HS3ST5: variants seen among roughly 807,000 people sequenced by gnomAD.
HS3ST5 encodes heparan sulfate-glucosamine 3-sulfotransferase 5, also known as heparan sulfate glucosamine 3-O-sulfotransferase 5.
In HS3ST5, 10 loss-of-function variants were observed where a neutral mutation model predicts 25.4. The observed-to-expected ratio is 0.39, with a 90% CI of 0.24 to 0.67. The LOEUF (loss-of-function observed/expected upper bound fraction) is 0.67, where lower values mean the gene tolerates loss of function less well. Among genes scored for constraint, HS3ST5 ranks in the 30% least tolerant of loss-of-function variants. The pLI is 0.44. For missense variants in HS3ST5, 324 were observed against 420.7 expected, an observed-to-expected ratio of 0.77 and a Z score of 2.01; for synonymous variants, 170 against 162.4, an observed-to-expected ratio of 1.05 and a Z score of -0.36.
intron 2 of HS3ST5, among the ~76,000 whole-genome samples, chr6:114,219,150 G>T (rs548402775): frequency 6.6e-6 from 1 of 152,300 alleles, no homozygotes; most frequent in Non-Finnish European, 1.5e-5. Flanking sequence ...AGGCACTATT[G>T]CTACCTCATA....
In HS3ST5 at chr6:114,231,245, T is replaced by C. The variant is rs1383526909; in HGVS notation, c.-338-2467A>G. ...TCTTCCAGTGCTCTCATTTTGTAAA[T>C]AGCACTATCAGTCATCAGCTGAATA... On this transcript the variant is annotated intron_variant, in intron 1 of 4. Transcript: ENST00000312719. 3.3e-5 allele frequency: 5 copies of C among 152,164 alleles called. No homozygotes were observed. The East Asian group carries it at 5.8e-4, about 18-fold the overall frequency. The allele number at this position is 152,164 out of a possible 1,614,324, so 9.4% of individuals were successfully genotyped here. A position where few individuals can be genotyped will look rare whatever the true frequency, so the allele number is the denominator to read the frequency against.
intron 1 of HS3ST5, among the ~76,000 whole-genome samples, chr6:114,283,345 T>C (rs1318411207): frequency 6.6e-6 from 1 of 152,006 alleles, no homozygotes; most frequent in Admixed American, 6.6e-5. Flanking sequence ...TCATAACTTC[T>C]AAGCTTGGTT....
At chr6:114,240,494 G>GA (rs960277227) in intron 1 of HS3ST5, among the ~76,000 whole-genome samples, 23 of 152,086 alleles carry the variant, frequency 1.5e-4, no homozygotes, top group African/African-American at 5.3e-4. Context: ...TCCACTGGTG[G>GA]AAAAAAAATA....
intron 1 of HS3ST5, among the ~76,000 whole-genome samples, chr6:114,255,340 G>A (rs1772856978): frequency 6.6e-6 from 1 of 152,270 alleles, no homozygotes; most frequent in South Asian, 2.1e-4. Context: ...GGCTTTGCAG[G>A]GTGCAGCCTC....
chr6:114,208,732 C>G (rs1031112596), intron 2 of HS3ST5, among the ~76,000 whole-genome samples: 3 of 152,118 alleles, frequency 2.0e-5, no homozygotes, highest in African/African-American at 7.2e-5. Flanking sequence ...CTCAGTGACC[C>G]TGGATGAGTC....
At chr6:114,316,825 A>G (rs897910637) in intron 1 of HS3ST5, among the ~76,000 whole-genome samples, 1 of 152,232 alleles carries the variant, frequency 6.6e-6, no homozygotes, top group Non-Finnish European at 1.5e-5. Context: ...AGATAAGATT[A>G]AAATGTTTTA....
chr6:114,188,655 T>G (rs1185253470), intron 2 of HS3ST5, among the ~76,000 whole-genome samples: 1 of 152,184 alleles, frequency 6.6e-6, no homozygotes, highest in African/African-American at 2.4e-5. Flanking sequence ...CAAGTAGGTC[T>G]TGAAATTTTG....
chr6:114,304,098 AGTATTT>A, intron 1 of HS3ST5, among the ~76,000 whole-genome samples: 1 of 152,102 alleles, frequency 6.6e-6, no homozygotes, highest in African/African-American at 2.4e-5. Context: ...AGATGTCAGA[AGTATTT>A]CTGACTGACC....
chr6:114,278,443 G>A (rs1464403365), intron 1 of HS3ST5, among the ~76,000 whole-genome samples: 1 of 151,890 alleles, frequency 6.6e-6, no homozygotes, highest in Non-Finnish European at 1.5e-5. Context: ...AATAAATAGT[G>A]AAGTCCAACA....
chr6:114,218,940 A>G (rs1367903995), intron 2 of HS3ST5, among the ~76,000 whole-genome samples: 1 of 152,224 alleles, frequency 6.6e-6, no homozygotes, highest in African/African-American at 2.4e-5. Context: ...CTCTTGTGTA[A>G]TGTGACTTCT....
At position 114,154,070 on chromosome 6, in the gene HS3ST5, G is replaced by A. The variant is rs544816804; in HGVS notation, c.-33+14281C>T. Among the ~76,000 whole-genome samples, 125 of 152,258 alleles carry A rather than the reference G, an allele frequency of 8.2e-4. 1 individual carries two copies. Among genetic ancestry groups the A allele is most frequent in the African/African-American group, 2.9e-3 (121 of 41,552 alleles). On this transcript the variant is annotated intron_variant, in intron 3 of 4. Transcript: ENST00000312719. ...TCTCAGACAAGTGGGCAGAAGCAAA[G>A]GCAAATCCAGATGCTGAAGGTTTGG...
rs1006302701 is a variant in HS3ST5, at chr6:114,070,437, T to C, written c.-32-7560A>G. Among the ~76,000 whole-genome samples the C allele has an allele frequency of 2.0e-5, 3 of 152,116 alleles. No homozygotes were observed. The East Asian group carries it at 5.8e-4, about 29-fold the overall frequency. On this transcript the variant is annotated intron_variant, in intron 3 of 4. Coordinates refer to ENST00000312719, the MANE Select transcript of HS3ST5 (RefSeq NM_153612.4). ...CATGTTTCCATAATTTACCAAGGGT[T>C]TTTTTCATATTCACCAAGCCACTTA...
At chr6:114,122,938 T>C (rs2114881815) in intron 3 of HS3ST5, among the ~76,000 whole-genome samples, 1 of 152,232 alleles carries the variant, frequency 6.6e-6, no homozygotes, top group East Asian at 1.9e-4. Context: ...TATATACAGA[T>C]AGTTTTTGTT....
intron 3 of HS3ST5, among the ~76,000 whole-genome samples, chr6:114,094,439 G>T (rs1775313607): frequency 6.6e-6 from 1 of 152,172 alleles, no homozygotes; most frequent in South Asian, 2.1e-4. Context: ...TTTCTCAGAG[G>T]TATGTGAGAC....
chr6:114,209,337 GA>G (rs933332992), intron 2 of HS3ST5, among the ~76,000 whole-genome samples: 21 of 149,000 alleles, frequency 1.4e-4, no homozygotes, highest in East Asian at 5.9e-4. Context: ...TTTTATTACT[GA>G]AAAAAAAACT....
chr6:114,313,199 A>G (rs1775609679), intron 1 of HS3ST5, among the ~76,000 whole-genome samples: 1 of 152,158 alleles, frequency 6.6e-6, no homozygotes, highest in African/African-American at 2.4e-5. Context: ...CAACATACCA[A>G]CAATACCAAG....
In HS3ST5 at chr6:114,057,652, C is replaced by T. The variant is rs1054070110; in HGVS notation, c.646G>A (p.Asp216Asn). The T allele has an allele frequency of 6.8e-6, 11 of 1,614,160 alleles. No individual in the cohort carries two copies. Among genetic ancestry groups the T allele is most frequent in the Non-Finnish European group, 8.5e-6 (10 of 1,180,028 alleles). ...TYYKFEKLAIDPNTCEVNTKY... is the reference protein window; with the variant it reads ...TYYKFEKLAINPNTCEVNTKY... ...GTGTTCACTTCGCATGTATTAGGGTCTATGGCCAGCTTCTCAAACTTGTAA... is the reference window on the plus strand; with the variant it reads ...GTGTTCACTTCGCATGTATTAGGGTTTATGGCCAGCTTCTCAAACTTGTAA... Residue 216 changes from aspartate (D) to asparagine (N), a missense_variant, in exon 5 of 5, where the codon GAC becomes AAC. By Grantham distance (23) the Asp-to-Asn change is conservative. Around this residue, in one of 2 missense-constraint regions of HS3ST5, gnomAD observed 203 missense variants for 303.4 expected, o/e 0.67. Coordinates refer to ENST00000312719, the MANE Select transcript of HS3ST5 (RefSeq NM_153612.4).
chr6:114,241,079 A>G (rs1186087341), intron 1 of HS3ST5, among the ~76,000 whole-genome samples: 1 of 152,202 alleles, frequency 6.6e-6, no homozygotes, highest in Non-Finnish European at 1.5e-5. Context: ...TACCTTTTAA[A>G]AGAAAGCTCT....
chr6:114,240,446 G>A (rs1772058690), intron 1 of HS3ST5, among the ~76,000 whole-genome samples: 1 of 152,178 alleles, frequency 6.6e-6, no homozygotes, highest in Non-Finnish European at 1.5e-5. Flanking sequence ...GTCAGATGTA[G>A]TATGTGAAAG....
Sources: gnomAD v4.1 joint callset for allele counts (sites outside exome capture counted in the v4.1 genomes callset) on GRCh38, gnomAD v4.1.1 for gene constraint, gnomAD v4.1.1 regional missense constraint, MANE v1.5 for transcripts, NCBI Gene and HGNC (gene_info 2026-07-23, HGNC 2026-07-21) for gene names.